Variants in PBX1 observed in about 807,000 individuals in gnomAD.
The protein encoded by PBX1 is pre-B-cell leukemia transcription factor 1.
In PBX1, 6 loss-of-function variants were observed where a neutral mutation model predicts 53.4. The ratio of observed to expected loss-of-function variants is 0.11; its 90% CI spans 0.06 to 0.22. The LOEUF is 0.22. PBX1 is among the 10% of genes least tolerant of loss of function. The pLI is 1.00. For synonymous variants in PBX1, 204 were observed against 212.3 expected (o/e 0.96, Z 0.34); for missense variants, 251 against 551.4 (o/e 0.46, Z 5.46).
chr1:164,817,869 T>A (rs755752602), intron 6 of PBX1: 1 of 152,210 alleles, frequency 6.6e-6, no homozygotes, highest in Non-Finnish European at 1.5e-5. Context: ...TAGGCTAGAT[T>A]TACCACAGTG....
intron 2 of PBX1, among the ~76,000 whole-genome samples, chr1:164,637,446 AG>A (rs1050653254): frequency 6.6e-6 from 1 of 152,230 alleles, no homozygotes; most frequent in Non-Finnish European, 1.5e-5. Flanking sequence ...ACTATAAGCC[AG>A]GGGCTCCTGA....
At chr1:164,698,426 C>A (rs1358178123) in intron 2 of PBX1, among the ~76,000 whole-genome samples, 3 of 152,104 alleles carry the variant, frequency 2.0e-5, no homozygotes, top group Admixed American at 1.3e-4. Flanking sequence ...GAAGGAATTA[C>A]AGAATTGTGT....
intron 2 of PBX1, among the ~76,000 whole-genome samples, chr1:164,710,616 G>C (rs1279391628): frequency 6.6e-6 from 1 of 152,010 alleles, no homozygotes; most frequent in African/African-American, 2.4e-5. Context: ...TCTCCATGTT[G>C]GTCAGGCTGG....
chr1:164,861,868 G>A (rs942146074), intron 2 of PBX1, among the ~76,000 whole-genome samples: 2 of 152,222 alleles, frequency 1.3e-5, no homozygotes, highest in Admixed American at 1.3e-4. Context: ...TAGGTTTGAG[G>A]AATTGCAAGG....
At chr1:164,803,104 A>C (rs769320459) in intron 4 of PBX1, among the ~76,000 whole-genome samples, 3 of 152,196 alleles carry the variant, frequency 2.0e-5, no homozygotes, top group Non-Finnish European at 4.4e-5. Flanking sequence ...TAGTCTGGTC[A>C]CACTGGCACT....
At chr1:164,731,063 TTA>T (rs1664952078) in intron 2 of PBX1, among the ~76,000 whole-genome samples, 1 of 152,088 alleles carries the variant, frequency 6.6e-6, no homozygotes. Context: ...CTTTCCGTGT[TTA>T]TGTGTGTGTG....
At chr1:164,746,264 C>T (rs1001979065) in intron 2 of PBX1, among the ~76,000 whole-genome samples, 14 of 152,206 alleles carry the variant, frequency 9.2e-5, no homozygotes, top group Non-Finnish European at 1.5e-4. Context: ...TCGCAAGTCT[C>T]AGTTGCTTAG....
At chr1:164,612,136 C>T (rs946609908) in intron 2 of PBX1, among the ~76,000 whole-genome samples, 1 of 152,076 alleles carries the variant, frequency 6.6e-6, no homozygotes. Context: ...AAGGTGGAGG[C>T]GGGGCTAGGG....
chr1:164,760,141 T>C (rs1666732063), intron 2 of PBX1, among the ~76,000 whole-genome samples: 1 of 152,226 alleles, frequency 6.6e-6, no homozygotes, highest in African/African-American at 2.4e-5. Flanking sequence ...AATGACATCT[T>C]AAATGGAGCC....
At chr1:164,600,003 A>G (rs898341167) in intron 2 of PBX1, among the ~76,000 whole-genome samples, 14 of 152,322 alleles carry the variant, frequency 9.2e-5, no homozygotes, top group African/African-American at 3.4e-4. Context: ...TTTAGGGGCA[A>G]TGCTAAGACC....
intron 2 of PBX1, among the ~76,000 whole-genome samples, chr1:164,673,800 C>T (rs1040475310): frequency 2.6e-5 from 4 of 152,132 alleles, no homozygotes; most frequent in Admixed American, 1.3e-4. Context: ...GATCTCTCGG[C>T]ACATGCTACC....
In PBX1 at chr1:164,796,745, CT is replaced by C. The variant is rs1293524380; in HGVS notation, c.511-2953del. On this transcript the variant is annotated intron_variant, in intron 3 of 8. Transcript: ENST00000420696. ...CCTGGGAGGTCTATTAGAAATCCCT[CT>C]GCCCTATGGAGGCAGCCTGAGCTCC... is the stretch of plus-strand genomic sequence containing the variant. 6.3e-4 allele frequency among the ~76,000 whole-genome samples: 96 copies of C among 152,220 alleles called. 1 individual carries two copies. The highest frequency in any genetic ancestry group is 1.0e-3 in the Non-Finnish European group (71 of 68,042).
intron 2 of PBX1, among the ~76,000 whole-genome samples, chr1:164,627,873 GAGA>G (rs755003220): frequency 7.9e-5 from 12 of 152,130 alleles, no homozygotes; most frequent in Non-Finnish European, 1.6e-4. Flanking sequence ...CACTGTGTTA[GAGA>G]AGAAGGCCCC....
At chr1:164,829,570 A>T (rs2102385198) in intron 8 of PBX1, 1 of 152,286 alleles carries the variant, frequency 6.6e-6, no homozygotes, top group East Asian at 1.9e-4. Flanking sequence ...GGTAGGAACT[A>T]AACAAAGAAA....
chr1:164,588,473 C>CTTTTTTT (rs371768861), intron 2 of PBX1, among the ~76,000 whole-genome samples: 8 of 73,084 alleles, frequency 1.1e-4, no homozygotes, highest in Non-Finnish European at 1.7e-4. Context: ...CCGGACTAAG[C>CTTTTTTT]TTTTTTTTTT....
intron 2 of PBX1, among the ~76,000 whole-genome samples, chr1:164,688,079 G>A (rs1662234935): frequency 1.3e-5 from 2 of 152,104 alleles, no homozygotes; most frequent in African/African-American, 2.4e-5. Flanking sequence ...TTGCCCGGGG[G>A]ACACCTGCCT....
chr1:164,707,418 TGAGAGAGAGAGAGAGAGA>T (rs528876002), intron 2 of PBX1, among the ~76,000 whole-genome samples: 2 of 118,214 alleles, frequency 1.7e-5, no homozygotes, highest in East Asian at 2.2e-4. Flanking sequence ...TGTGTGTGTG[TGAGAGAGAGAGAGAGAGA>T]GAGAGAGAGA....
intron 2 of PBX1, among the ~76,000 whole-genome samples, chr1:164,697,549 T>C (rs1178854953): frequency 1.3e-5 from 2 of 152,242 alleles, no homozygotes; most frequent in African/African-American, 4.8e-5. Flanking sequence ...TGTGTTTACC[T>C]ATGTATTTTT....
intron 2 of PBX1, among the ~76,000 whole-genome samples, chr1:164,601,773 C>T (rs1310901970): frequency 6.6e-6 from 1 of 152,176 alleles, no homozygotes; most frequent in Non-Finnish European, 1.5e-5. Context: ...CAGTTGGATA[C>T]TGTGAAGATG....
Sources: allele counts gnomAD v4.1 joint callset (sites outside exome capture counted in the v4.1 genomes callset), GRCh38; gene constraint gnomAD v4.1.1; transcripts MANE v1.5; gene names NCBI Gene and HGNC (gene_info 2026-07-23, HGNC 2026-07-21).